Variants in ADGRG2 observed in about 807,000 individuals in gnomAD.
The protein encoded by ADGRG2 is G protein-coupled receptor 64.
In ADGRG2, 26 loss-of-function variants were observed where a neutral mutation model predicts 74.1. The ratio of observed to expected loss-of-function variants is 0.35; its 90% CI spans 0.26 to 0.49. The LOEUF (loss-of-function observed/expected upper bound fraction) is 0.49. Ranked by LOEUF, ADGRG2 falls within the 20% of genes least tolerant of loss-of-function variation. ADGRG2 has a pLI of 0.99. For missense variants in ADGRG2, 619 were observed against 763.1 expected (o/e 0.81, Z 2.22); for synonymous variants, 296 against 295.2 (o/e 1.00, Z -0.03).
Position 19,087,370 on chromosome X carries a change from C to G in ADGRG2, c.-46-4624G>C, listed in dbSNP as rs2061951078. Among the ~76,000 whole-genome samples the G allele has an allele frequency of 3.5e-5, 4 of 112,836 alleles. No homozygotes were observed. The Admixed American group carries it at 3.7e-4, about 11-fold the overall frequency. On this transcript the variant is annotated intron_variant, in intron 1 of 28. Coordinates refer to ENST00000379869, the MANE Select transcript of ADGRG2 (RefSeq NM_001079858.3). ...GCCAAGGGCACCAGCGAGCCTGAATCCAGAATGCCAGGCTTTGGCATCAGC... is the reference window on the plus strand; with the variant it reads ...GCCAAGGGCACCAGCGAGCCTGAATGCAGAATGCCAGGCTTTGGCATCAGC...
intron 1 of ADGRG2, among the ~76,000 whole-genome samples, chrX:19,100,788 T>C (rs978148239): frequency 1.2e-4 from 14 of 112,096 alleles, no homozygotes; most frequent in Admixed American, 1.2e-3. Flanking sequence ...TTTGAAAGAG[T>C]TGGACATACT....
chrX:19,013,688 G>A lies in ADGRG2; in HGVS notation c.1097C>T (p.Thr366Ile). 8.5e-7 allele frequency: 1 copy of A among 1,181,709 alleles called. No individual in the cohort carries two copies. Among genetic ancestry groups the A allele is most frequent in the Non-Finnish European group, 1.1e-6 (1 of 882,226 alleles). Residue 366 changes from threonine (T) to isoleucine (I), a missense_variant and splice_region_variant, in exon 16 of 29, where the codon ACA becomes ATA. Transcript: ENST00000379869. The part of the protein sequence containing the change: ...VNTTSAPPVQ[T>I]DIVNTSSISD... Reference sequence around the variant, plus strand: ...GCCGCTGTTCAAGTGACATTTACCTGTCTGGACAGGAGGTGCGCTGGTAGT... The same window carrying A: ...GCCGCTGTTCAAGTGACATTTACCTATCTGGACAGGAGGTGCGCTGGTAGT...
chrX:19,069,919 T>C (rs1209160612), intron 2 of ADGRG2, among the ~76,000 whole-genome samples: 1 of 112,497 alleles, frequency 8.9e-6, no homozygotes, highest in Non-Finnish European at 1.9e-5. Context: ...GACCCTCCAC[T>C]GAACTGTTTA....
chrX:19,040,338 T>TA (rs1299866511), intron 3 of ADGRG2, 114 bp from the exon 4 acceptor site: 21 of 459,110 alleles, frequency 4.6e-5, no homozygotes, highest in Non-Finnish European at 6.8e-5. Flanking sequence ...CTCATGTCAC[T>TA]AAAAAAAAGT....
At chrX:19,116,506 CAAAAA>C (rs10677696) in intron 1 of ADGRG2, among the ~76,000 whole-genome samples, 280 of 24,000 alleles carry the variant, frequency 0.012, 3 homozygotes, top group African/African-American at 0.034. Context: ...GATTCCGTCT[CAAAAA>C]AAAAAAAAAA....
At chrX:19,054,413 G>C (rs2061377153) in intron 3 of ADGRG2, among the ~76,000 whole-genome samples, 2 of 112,061 alleles carry the variant, frequency 1.8e-5, no homozygotes, top group South Asian at 7.4e-4. Context: ...TCACAGGCTG[G>C]CTTCTAAAAA....
intron 1 of ADGRG2, among the ~76,000 whole-genome samples, chrX:19,119,569 T>C (rs2062579010): frequency 1.8e-5 from 2 of 111,744 alleles, no homozygotes; most frequent in African/African-American, 6.5e-5. Flanking sequence ...CTCCCTCCTT[T>C]TGTTAATTTA....
At chrX:19,027,511 C>T (rs1206396415) in intron 10 of ADGRG2, among the ~76,000 whole-genome samples, 1 of 112,439 alleles carries the variant, frequency 8.9e-6, no homozygotes, top group Non-Finnish European at 1.9e-5. Context: ...GTTTTTGTTT[C>T]ATGTTTTCTT....
At chrX:19,068,265 T>C (rs1009520846) in intron 3 of ADGRG2, among the ~76,000 whole-genome samples, 5 of 112,497 alleles carry the variant, frequency 4.4e-5, no homozygotes, top group Admixed American at 9.4e-5. Context: ...GGTCAATGCA[T>C]ACAGTGAAAC....
At chrX:18,996,700 A>G (rs1479727227) in intron 26 of ADGRG2, among the ~76,000 whole-genome samples, 1 of 109,836 alleles carries the variant, frequency 9.1e-6, no homozygotes, top group African/African-American at 3.3e-5. Flanking sequence ...GACCTGCCCC[A>G]GGTGCTGGCA....
chrX:19,101,101 TTGTGTGTGTG>T (rs10579733), intron 1 of ADGRG2, among the ~76,000 whole-genome samples: 138 of 89,831 alleles, frequency 1.5e-3, no homozygotes, highest in African/African-American at 4.6e-3. Flanking sequence ...AATCATGAGA[TTGTGTGTGTG>T]TGTGTGTGTG....
intron 2 of ADGRG2, among the ~76,000 whole-genome samples, chrX:19,081,693 G>A (rs1217688753): frequency 1.8e-5 from 2 of 111,788 alleles, no homozygotes; most frequent in Non-Finnish European, 3.8e-5. Context: ...ATTCTAATTT[G>A]TATTCATTAT....
At chrX:19,075,572 C>T (rs1476231003) in intron 2 of ADGRG2, among the ~76,000 whole-genome samples, 2 of 94,517 alleles carry the variant, frequency 2.1e-5, no homozygotes, top group Non-Finnish European at 4.1e-5. Flanking sequence ...GAGCTGAGAT[C>T]ACACTACTGC....
chrX:19,071,815 C>T (rs574829005), intron 2 of ADGRG2, among the ~76,000 whole-genome samples: 8 of 110,116 alleles, frequency 7.3e-5, no homozygotes, highest in Middle Eastern at 4.7e-3. Flanking sequence ...GTCCCCCCTC[C>T]AAAAGCACTG....
intron 15 of ADGRG2, among the ~76,000 whole-genome samples, chrX:19,014,879 C>T (rs2060435324): frequency 9.0e-6 from 1 of 111,687 alleles, no homozygotes; most frequent in African/African-American, 3.3e-5. Flanking sequence ...ATGATCTGCC[C>T]GCCTCAGCCT....
chrX:19,059,402 C>A (rs1217807037), intron 3 of ADGRG2, among the ~76,000 whole-genome samples: 1 of 111,540 alleles, frequency 9.0e-6, no homozygotes, highest in Non-Finnish European at 1.9e-5. Context: ...TAGAAAGTCA[C>A]TCCATTGCTT....
At chrX:19,067,524 C>T (rs948621206) in intron 3 of ADGRG2, among the ~76,000 whole-genome samples, 4 of 111,696 alleles carry the variant, frequency 3.6e-5, no homozygotes, top group Non-Finnish European at 7.5e-5. Context: ...AACATAAGAG[C>T]TAAAACTATA....
chrX:19,007,931 C>T (rs767892015), intron 19 of ADGRG2, 49 bp downstream of exon 19: 1 of 1,088,164 alleles, frequency 9.2e-7, no homozygotes, highest in Admixed American at 2.6e-5. Flanking sequence ...ATGAAATGCC[C>T]TCATCTCCAA....
chrX:19,016,549 TTTA>T (rs1045765963), intron 15 of ADGRG2, among the ~76,000 whole-genome samples: 57 of 109,234 alleles, frequency 5.2e-4, no homozygotes, highest in African/African-American at 1.8e-3. Context: ...TATTTATTTA[TTTA>T]TTATTATTAT....
Sources: allele counts gnomAD v4.1 joint callset (sites outside exome capture counted in the v4.1 genomes callset), GRCh38; gene constraint gnomAD v4.1.1; transcripts MANE v1.5; gene names NCBI Gene and HGNC (gene_info 2026-07-23, HGNC 2026-07-21).